Variants in LONP1 observed in about 807,000 individuals in gnomAD.
The protein encoded by LONP1 is lon protease homolog, mitochondrial.
LONP1 carries 31 observed loss-of-function variants against 98.5 expected under a neutral mutation model. The observed-to-expected ratio is 0.31, with a 90% confidence interval of 0.24 to 0.42. The LOEUF (loss-of-function observed/expected upper bound fraction) is 0.42, where lower values mean the gene tolerates loss of function less well. Ranked by LOEUF, LONP1 falls within the 20% of genes least tolerant of loss-of-function variation. LONP1 has a pLI of 1.00. For synonymous variants in LONP1, 781 were observed against 594.7 expected, an observed-to-expected ratio of 1.31 and a Z score of -4.56; for missense variants, 1,336 against 1,350.6, an observed-to-expected ratio of 0.99 and a Z score of 0.17.
intron 8 of LONP1, among the ~76,000 whole-genome samples, chr19:5,704,189 C>T (rs917199125): frequency 6.6e-6 from 1 of 152,120 alleles, no homozygotes; most frequent in Non-Finnish European, 1.5e-5. Context: ...GAAGGGGCCC[C>T]GAGCCGAGGG....
At chr19:5,707,308 G>A (rs977079684) in intron 6 of LONP1, among the ~76,000 whole-genome samples, 165 bp from the exon 7 acceptor site, 2 of 152,230 alleles carry the variant, frequency 1.3e-5, no homozygotes, top group Non-Finnish European at 2.9e-5. Context: ...CAAATCCCGT[G>A]CTGGAAACGC....
Position 5,692,025 on chromosome 19 carries a change from G to C in LONP1, c.*7C>G. On this transcript the variant is annotated 3_prime_UTR_variant, in exon 18 of 18. Transcript: ENST00000360614. ...GACATCCGCCGCCTGCAGTCCCGGG[G>C]TGGCCGTCACCGTTCCACGGCCAGC... 6.2e-7 allele frequency: 1 copy of C among 1,609,882 alleles called. No individual in the cohort carries two copies. Among genetic ancestry groups the C allele is most frequent in the Non-Finnish European group, 8.5e-7 (1 of 1,177,650 alleles).
In LONP1 at chr19:5,699,095, G is replaced by T; in HGVS notation, c.1617C>A (p.Ala539=). ...KTSIARSIAR[A]LNREYFRFSV... is the part of the protein sequence containing the mutation. ...TGAAGCGGAAGTACTCTCGGTTCAG[G>T]GCGCGGGCGATGGAGCGAGCAATGC... The change falls in exon 10 of 18, where the codon GCC becomes GCA. Residue 539 remains alanine (A), a synonymous_variant. Coordinates refer to ENST00000360614, the MANE Select transcript of LONP1 (RefSeq NM_004793.4). The T allele has an allele frequency of 6.2e-7, 1 of 1,605,702 alleles. No homozygotes were observed. Among genetic ancestry groups the T allele is most frequent in the Non-Finnish European group, 8.5e-7 (1 of 1,174,958 alleles).
intron 10 of LONP1, among the ~76,000 whole-genome samples, chr19:5,697,783 G>A (rs1042985697): frequency 7.2e-5 from 11 of 152,026 alleles, no homozygotes; most frequent in South Asian, 2.1e-4. Context: ...ACCCAGAGAC[G>A]TCAGCAGACG....
At chr19:5,697,972 C>T (rs2054971746) in intron 10 of LONP1, among the ~76,000 whole-genome samples, 3 of 139,538 alleles carry the variant, frequency 2.1e-5, no homozygotes, top group Admixed American at 7.1e-5. Context: ...GACTGGGTGC[C>T]CCCCACCCCC....
intron 10 of LONP1, among the ~76,000 whole-genome samples, 199 bp from the exon 11 acceptor site, chr19:5,696,956 C>T (rs979793206): frequency 7.2e-5 from 11 of 152,212 alleles, no homozygotes; most frequent in Non-Finnish European, 1.5e-5. Context: ...GACTCGCCAG[C>T]TCAGATTCTG....
chr19:5,703,030 AATT>A (rs2055083668), intron 8 of LONP1, among the ~76,000 whole-genome samples: 1 of 151,710 alleles, frequency 6.6e-6, no homozygotes. Context: ...AAAAAAAAAA[AATT>A]AGCTGGGCGT....
chr19:5,706,032 A>C, intron 7 of LONP1, 40 bp from the exon 8 acceptor site: 1 of 1,486,814 alleles, frequency 6.7e-7, no homozygotes, highest in Non-Finnish European at 9.3e-7. Context: ...TGGCTCCGGG[A>C]AGCTGGGTGG....
rs2055245761 is a variant in LONP1, at chr19:5,711,963, C to T, written c.678G>A (p.Glu226=). The change falls in exon 4 of 18, where the codon GAG becomes GAA. Residue 226 remains glutamate (E), a synonymous_variant. Transcript: ENST00000360614. ...ISRQLEVEPE[E]PEAENKHKPR... ...GCTTGTGCTTGTTCTCCGCCTCCGGCTCCTCGGGCTCCACCTCCAGCTGTC... is the reference window on the plus strand; with the variant it reads ...GCTTGTGCTTGTTCTCCGCCTCCGGTTCCTCGGGCTCCACCTCCAGCTGTC... 1.2e-6 allele frequency: 2 copies of T among 1,613,184 alleles called. No homozygotes were observed. Among genetic ancestry groups the T allele is most frequent in the African/African-American group, 2.7e-5 (2 of 74,934 alleles).
intron 1 of LONP1, among the ~76,000 whole-genome samples, chr19:5,716,943 ACCACCACT>A (rs1808210629): frequency 6.6e-6 from 1 of 151,962 alleles, no homozygotes; most frequent in Admixed American, 6.6e-5. Flanking sequence ...ACGGGCGCCC[ACCACCACT>A]CCAGGCTAAT....
At chr19:5,692,347 A>G in intron 17 of LONP1, 139 bp from the exon 18 acceptor site, 1 of 738,020 alleles carries the variant, frequency 1.4e-6, no homozygotes, top group Non-Finnish European at 2.1e-6. Flanking sequence ...CCCAAAACCC[A>G]CCAGGGTCCC....
Position 5,719,950 on chromosome 19 carries a change from A to C in LONP1, c.183T>G (p.Ile61Met). 1 of 1,567,402 alleles carries C rather than the reference A, an allele frequency of 6.4e-7. No individual in the cohort carries two copies. Among genetic ancestry groups the C allele is most frequent in the Non-Finnish European group, 8.6e-7 (1 of 1,158,840 alleles). Residue 61 changes from isoleucine (I) to methionine (M), a missense_variant, in exon 1 of 18, where the codon ATT (isoleucine) becomes ATG (methionine). Coordinates refer to ENST00000360614, the MANE Select transcript of LONP1 (RefSeq NM_004793.4). ...CCCAAAACCCCCGCCATTGGCCCCC[A>C]ATTGCCGGGCCTCGGCCCCACAGTG... The part of the protein sequence containing the change: ...PWALWGRGPA[I>M]GGQWRGFWEA...
rs369828014 is a variant in LONP1, at chr19:5,712,009, C to A, written c.639-7G>T. On this transcript the variant is annotated splice_region_variant and splice_polypyrimidine_tract_variant and intron_variant, in intron 3 of 17. Transcript: ENST00000360614. ...CTGTCTGCTGATATGGACTCTGACA[C>A]GGGAGCAAGGCAGGTGTGAATCAGC... The A allele has an allele frequency of 6.2e-7, 1 of 1,608,672 alleles. No homozygotes were observed. The highest frequency in any genetic ancestry group is 8.5e-7 in the Non-Finnish European group (1 of 1,176,986).
At chr19:5,702,921 C>T (rs371334320) in intron 8 of LONP1, among the ~76,000 whole-genome samples, 2,620 of 150,632 alleles carry the variant, frequency 0.017, 40 homozygotes, top group East Asian at 0.034. Flanking sequence ...ACCAGAGACC[C>T]TTGTTCACTT....
Position 5,696,377 on chromosome 19 carries a change from G to GCAGCAGA in LONP1, c.1774-13_1774-7dup. On this transcript the variant is annotated splice_region_variant and splice_polypyrimidine_tract_variant and intron_variant, in intron 11 of 17. Transcript: ENST00000360614. ...CCTCGGCCGATCTTGTCCACCTGGGGCAGCAGACAGCAGGTGGTGCCCCTC... is the reference window on the plus strand; with the variant it reads ...CCTCGGCCGATCTTGTCCACCTGGGGCAGCAGACAGCAGACAGCAGGTGGTGCCCCTC... 1.2e-6 allele frequency: 2 copies of GCAGCAGA among 1,612,088 alleles called. No homozygotes were observed. Among genetic ancestry groups the GCAGCAGA allele is most frequent in the Non-Finnish European group, 1.7e-6 (2 of 1,179,322 alleles).
At chr19:5,698,667 C>T (rs2145591448) in intron 10 of LONP1, among the ~76,000 whole-genome samples, 1 of 152,330 alleles carries the variant, frequency 6.6e-6, no homozygotes, top group South Asian at 2.1e-4. Flanking sequence ...AGTCCTGGGG[C>T]ATCAGCCACA....
At chr19:5,693,503 GCAGCC>G (rs1568309851) in intron 16 of LONP1, 41 bp from the exon 17 acceptor site, 2 of 1,611,810 alleles carry the variant, frequency 1.2e-6, no homozygotes, top group South Asian at 2.2e-5. Context: ...CAGGTGGCCA[GCAGCC>G]CAGGGACTGG....
intron 7 of LONP1, 141 bp downstream of exon 7, chr19:5,706,919 A>G: frequency 1.5e-6 from 1 of 659,704 alleles, no homozygotes; most frequent in Non-Finnish European, 2.7e-6. Context: ...GATGGCACGA[A>G]GCCCTCAAAA....
intron 8 of LONP1, among the ~76,000 whole-genome samples, chr19:5,702,164 C>G (rs1346972675): frequency 6.8e-6 from 1 of 147,450 alleles, no homozygotes; most frequent in African/African-American, 2.5e-5. Context: ...AAGTGAGGAG[C>G]CCCTCTGCCC....
Sources: allele counts gnomAD v4.1 joint callset (sites outside exome capture counted in the v4.1 genomes callset), GRCh38; gene constraint gnomAD v4.1.1; transcripts MANE v1.5; gene names NCBI Gene and HGNC (gene_info 2026-07-23, HGNC 2026-07-21).